The following ARHGAP22 variants were observed in gnomAD, a reference collection of about 807,000 sequenced individuals.
ARHGAP22 encodes rho GTPase-activating protein 22.
Under a neutral mutation model 59.1 loss-of-function variants are expected in ARHGAP22, and 48 were observed. The ratio of observed to expected loss-of-function variants is 0.81; its 90% CI spans 0.64 to 1.03. The LOEUF (loss-of-function observed/expected upper bound fraction) is 1.03. Ranked by LOEUF, ARHGAP22 falls within the 50% of genes least tolerant of loss-of-function variation. The probability of loss-of-function intolerance (pLI) is 0.00; values close to 1 mark genes in which losing one functional copy is unlikely to be tolerated. For missense variants in ARHGAP22, 1,015 were observed against 958.7 expected, an observed-to-expected ratio of 1.06 and a Z score of -0.78; for synonymous variants, 445 against 416.4, an observed-to-expected ratio of 1.07 and a Z score of -0.84.
At chr10:48,464,191 C>T (rs984446120) in intron 4 of ARHGAP22, among the ~76,000 whole-genome samples, 2 of 152,194 alleles carry the variant, frequency 1.3e-5, no homozygotes, top group African/African-American at 4.8e-5. Flanking sequence ...CCTGTTCCCC[C>T]ACACACATCG....
chr10:48,605,184 G>A (rs2066094279), upstream of ARHGAP22: 1 of 1,116,156 alleles, frequency 9.0e-7, no homozygotes, highest in Middle Eastern at 4.0e-4. Flanking sequence ...AGAGACGCGG[G>A]GCGCGGTCCT....
chr10:48,484,842 CT>C (rs57188111), intron 3 of ARHGAP22, among the ~76,000 whole-genome samples: 4,164 of 152,246 alleles, frequency 0.027, 140 homozygotes, highest in African/African-American at 0.077. Flanking sequence ...TAATTTCTGT[CT>C]TTTTCCTTTT....
At position 48,532,759 on chromosome 10, in the gene ARHGAP22, T is replaced by G. The variant is rs191213245; in HGVS notation, c.322+22704A>C. 31 of 152,156 alleles carry G rather than the reference T, an allele frequency of 2.0e-4. No homozygotes were observed. In the East Asian group the frequency reaches 4.8e-3, roughly 24 times the overall value. The allele number at this position is 152,156 out of a possible 1,614,324, so 9.4% of individuals were successfully genotyped here. A position where few individuals can be genotyped will look rare whatever the true frequency, so the allele number is the denominator to read the frequency against. ...GTGTTTGGTTTTTTTGTCCTTGTGA[T>G]AGTTTGCTGAGAATGATGGTTTCCA... On this transcript the variant is annotated intron_variant, in intron 3 of 9. Coordinates refer to ENST00000249601, the MANE Select transcript of ARHGAP22 (RefSeq NM_021226.4).
At chr10:48,592,306 C>T (rs1012505608) in intron 1 of ARHGAP22, among the ~76,000 whole-genome samples, 2 of 152,154 alleles carry the variant, frequency 1.3e-5, no homozygotes, top group East Asian at 1.9e-4. Flanking sequence ...TGTCACCGCA[C>T]CTGGCTTCTG....
chr10:48,471,760 A>C (rs776829258), intron 4 of ARHGAP22, among the ~76,000 whole-genome samples: 1 of 152,160 alleles, frequency 6.6e-6, no homozygotes, highest in African/African-American at 2.4e-5. Context: ...CCACAGGGAG[A>C]GCACCCCCTT....
rs750166303 is a variant in ARHGAP22 at position 48,451,329 on chromosome 10, G to A, written c.989-189C>T. On this transcript the variant is annotated intron_variant, in intron 8 of 9. Coordinates refer to ENST00000249601, the MANE Select transcript of ARHGAP22 (RefSeq NM_021226.4). ...CCCTCCAACTCCAGGCAGGACAGCA[G>A]GATGGGGCCGCAGAACCGCCTTCCT... 8.0e-4 allele frequency: 659 copies of A among 824,612 alleles called. 10 individuals carry two copies. Among genetic ancestry groups the A allele is most frequent in the Non-Finnish European group, 1.4e-4 (67 of 494,888 alleles). The allele number at this position is 824,612 out of a possible 1,614,324, so 51.1% of individuals were successfully genotyped here. A position where few individuals can be genotyped will look rare whatever the true frequency, so the allele number is the denominator to read the frequency against.
upstream of ARHGAP22, among the ~76,000 whole-genome samples, chr10:48,653,827 A>T (rs1213585292): frequency 6.6e-6 from 1 of 152,202 alleles, no homozygotes; most frequent in Non-Finnish European, 1.5e-5. Flanking sequence ...GAGTGCTTGG[A>T]ATTTAGACAT....
chr10:48,606,806 G>A (rs572992789), upstream of ARHGAP22, among the ~76,000 whole-genome samples: 4 of 152,266 alleles, frequency 2.6e-5, no homozygotes, highest in East Asian at 1.9e-4. Flanking sequence ...AGCAGAATGA[G>A]CCACTAAGCA....
rs184885305 is a variant in ARHGAP22 at position 48,515,237 on chromosome 10, G to A, written c.323-35473C>T. On this transcript the variant is annotated intron_variant, in intron 3 of 9. Transcript: ENST00000249601. Reference sequence around the variant, plus strand: ...ACAAGTAGGTTGAAAGTAAAATGACGAGAAAAGATATACCATAAAGACAAT... The same window carrying A: ...ACAAGTAGGTTGAAAGTAAAATGACAAGAAAAGATATACCATAAAGACAAT... 5.9e-5 allele frequency among the ~76,000 whole-genome samples: 9 copies of A among 152,168 alleles called. No homozygotes were observed. The East Asian group carries it at 1.2e-3, about 20-fold the overall frequency.
At chr10:48,440,492 C>A in the ARHGAP22 span, among the ~76,000 whole-genome samples, 1 of 152,046 alleles carries the variant, frequency 6.6e-6, no homozygotes, top group Non-Finnish European at 1.5e-5. Context: ...AGGAGTTTCA[C>A]AAAGAAACTG....
intron 5 of ARHGAP22, among the ~76,000 whole-genome samples, chr10:48,458,161 G>A (rs542182104): frequency 1.3e-5 from 2 of 152,288 alleles, no homozygotes; most frequent in African/African-American, 4.8e-5. Flanking sequence ...GATGGGGGTG[G>A]AGGGACAAGG....
At chr10:48,578,936 T>C (rs1330587390) in intron 2 of ARHGAP22, among the ~76,000 whole-genome samples, 1 of 152,114 alleles carries the variant, frequency 6.6e-6, no homozygotes, top group Non-Finnish European at 1.5e-5. Flanking sequence ...TGCTTTTTAA[T>C]CTTTTTGTTT....
At chr10:48,612,041 T>C (rs2060915425) in intron 1 of ARHGAP22, among the ~76,000 whole-genome samples, 1 of 151,804 alleles carries the variant, frequency 6.6e-6, no homozygotes, top group Non-Finnish European at 1.5e-5. Context: ...CAGGCTGGTC[T>C]TGAACTCCTG....
intron 9 of ARHGAP22, among the ~76,000 whole-genome samples, chr10:48,447,354 C>A (rs1440920410): frequency 6.6e-6 from 1 of 152,216 alleles, no homozygotes; most frequent in Non-Finnish European, 1.5e-5. Context: ...TAATGCCCAG[C>A]CTGGTGACCT....
chr10:48,653,200 T>C (rs905843287), upstream of ARHGAP22, among the ~76,000 whole-genome samples: 25 of 152,356 alleles, frequency 1.6e-4, no homozygotes, highest in African/African-American at 5.0e-4. Flanking sequence ...CTATTGAGCT[T>C]GCATCACATT....
chr10:48,516,772 C>A (rs766489676), intron 3 of ARHGAP22, among the ~76,000 whole-genome samples: 10 of 152,112 alleles, frequency 6.6e-5, no homozygotes, highest in Non-Finnish European at 1.5e-4. Flanking sequence ...CCTCCGATAT[C>A]AAAAACCAAG....
chr10:48,525,022 G>A (rs541419456), intron 3 of ARHGAP22, among the ~76,000 whole-genome samples: 3 of 152,172 alleles, frequency 2.0e-5, no homozygotes, highest in Admixed American at 2.0e-4. Flanking sequence ...GCAAGTGTGA[G>A]CTATCATCAT....
intron 3 of ARHGAP22, among the ~76,000 whole-genome samples, chr10:48,495,475 T>G (rs138821512): frequency 6.6e-6 from 1 of 152,196 alleles, no homozygotes; most frequent in African/African-American, 2.4e-5. Flanking sequence ...CTGCCCCCGG[T>G]CACCCAAGGG....
intron 4 of ARHGAP22, among the ~76,000 whole-genome samples, chr10:48,471,858 T>C (rs188659924): frequency 9.5e-4 from 144 of 152,328 alleles, no homozygotes; most frequent in Middle Eastern, 3.4e-3. Flanking sequence ...AAATGATGTA[T>C]TACATCAAGA....
Sources: gnomAD v4.1 joint callset for allele counts (sites outside exome capture counted in the v4.1 genomes callset) on GRCh38, gnomAD v4.1.1 for gene constraint, MANE v1.5 for transcripts, NCBI Gene and HGNC (gene_info 2026-07-23, HGNC 2026-07-21) for gene names.